The following MAP3K20 variants were observed in gnomAD, a reference collection of about 807,000 sequenced individuals.
MAP3K20 encodes the protein mitogen-activated protein kinase kinase kinase 20.
In MAP3K20, 40 loss-of-function variants were observed where a neutral mutation model predicts 85.7. The observed-to-expected ratio is 0.47, with a 90% CI of 0.36 to 0.61. MAP3K20 has a LOEUF of 0.61. MAP3K20 is among the 20% of genes least tolerant of loss of function. The pLI, the probability that MAP3K20 is intolerant of heterozygous loss-of-function variation, is 0.00. For missense variants in MAP3K20, 817 were observed against 961.7 expected, an observed-to-expected ratio of 0.85 and a Z score of 1.99; for synonymous variants, 325 against 327.7, an observed-to-expected ratio of 0.99 and a Z score of 0.09.
chr2:173,208,789 C>G (rs1410199852), intron 9 of MAP3K20, among the ~76,000 whole-genome samples: 1 of 152,196 alleles, frequency 6.6e-6, no homozygotes, highest in East Asian at 1.9e-4. Flanking sequence ...GTTTTAATTG[C>G]TGCAACTATA....
intron 2 of MAP3K20, among the ~76,000 whole-genome samples, chr2:173,144,462 C>CAAAAAAAAAAAAA (rs71018537): frequency 1.4e-4 from 13 of 92,870 alleles, no homozygotes; most frequent in East Asian, 3.6e-4. Flanking sequence ...GACTCCGTCT[C>CAAAAAAAAAAAAA]AAAAAAAAAA....
chr2:173,115,653 G>T (rs1200393879), intron 2 of MAP3K20, among the ~76,000 whole-genome samples: 3 of 152,106 alleles, frequency 2.0e-5, no homozygotes, highest in Admixed American at 1.3e-4. Flanking sequence ...GTGGCTTCCT[G>T]TGAGCCAAAC....
chr2:173,110,228 TATATATATATATA>T (rs1200494277), intron 2 of MAP3K20, among the ~76,000 whole-genome samples: 204 of 11,156 alleles, frequency 0.018, no homozygotes, highest in Non-Finnish European at 0.022. Flanking sequence ...TATATATATA[TATATATATATATA>T]TTTTTTTTTT....
chr2:173,121,722 C>A (rs1414620711), intron 2 of MAP3K20, among the ~76,000 whole-genome samples: 4 of 152,090 alleles, frequency 2.6e-5, no homozygotes, highest in Non-Finnish European at 5.9e-5. Context: ...CGTGTCTATT[C>A]CATTCAGCAT....
intron 11 of MAP3K20, among the ~76,000 whole-genome samples, chr2:173,219,356 G>T (rs1255102551): frequency 6.6e-6 from 1 of 151,972 alleles, no homozygotes; most frequent in Non-Finnish European, 1.5e-5. Flanking sequence ...GGATATTTGG[G>T]GAGATTAATC....
At chr2:173,225,081 T>C in intron 11 of MAP3K20, 1 of 985,184 alleles carries the variant, frequency 1.0e-6, no homozygotes, top group Non-Finnish European at 1.2e-6. Context: ...TGTCTCACCT[T>C]TCATCTTTTT....
In MAP3K20 at chr2:173,169,538, T is replaced by C. The variant is rs148734755; in HGVS notation, c.160-267T>C. On this transcript the variant is annotated intron_variant, in intron 2 of 19. Transcript: ENST00000375213. ...GAGTTCGAGATCAGCCTGGACAACA[T>C]AGACCCCATCTCTTAAAAAAAAAAA... 9.9e-5 allele frequency among the ~76,000 whole-genome samples: 15 copies of C among 151,352 alleles called. No individual in the cohort carries two copies. The East Asian group carries it at 2.5e-3, about 26-fold the overall frequency.
intron 2 of MAP3K20, among the ~76,000 whole-genome samples, chr2:173,115,863 G>A (rs1459112007): frequency 6.6e-6 from 1 of 152,068 alleles, no homozygotes; most frequent in Non-Finnish European, 1.5e-5. Context: ...TTTGGTCCGT[G>A]CTTTGCTTCT....
chr2:173,113,303 G>T (rs891346575), intron 2 of MAP3K20, among the ~76,000 whole-genome samples: 3 of 151,944 alleles, frequency 2.0e-5, no homozygotes, highest in Non-Finnish European at 4.4e-5. Context: ...GGTTAATCTT[G>T]CCAATGGTCT....
chr2:173,146,757 T>C (rs1464475204), intron 2 of MAP3K20, among the ~76,000 whole-genome samples: 1 of 152,234 alleles, frequency 6.6e-6, no homozygotes, highest in Admixed American at 6.5e-5. Context: ...ATGGTAACTC[T>C]TTAATTCTTT....
chr2:173,228,587 A>G (rs1265427299), intron 11 of MAP3K20, among the ~76,000 whole-genome samples: 2 of 152,198 alleles, frequency 1.3e-5, no homozygotes, highest in Admixed American at 6.5e-5. Flanking sequence ...ACCGTATGCC[A>G]GGCACTATGT....
chr2:173,099,448 T>A (rs981233530), intron 2 of MAP3K20, among the ~76,000 whole-genome samples: 5 of 152,080 alleles, frequency 3.3e-5, no homozygotes, highest in Non-Finnish European at 4.4e-5. Flanking sequence ...GTCTCCCAAG[T>A]GGCTGAGATT....
At chr2:173,227,866 C>T (rs542399363) in intron 11 of MAP3K20, among the ~76,000 whole-genome samples, 36 of 152,252 alleles carry the variant, frequency 2.4e-4, no homozygotes, top group African/African-American at 7.0e-4. Context: ...AAAAAAGTTT[C>T]GTATTTCACA....
intron 3 of MAP3K20, among the ~76,000 whole-genome samples, chr2:173,178,812 T>C (rs560271164): frequency 6.6e-6 from 1 of 152,304 alleles, no homozygotes; most frequent in East Asian, 1.9e-4. Flanking sequence ...ACAAGCAGTA[T>C]TATTCTGATA....
intron 3 of MAP3K20, among the ~76,000 whole-genome samples, chr2:173,179,704 GCA>G (rs71018541): frequency 0.079 from 11,492 of 146,018 alleles, 551 homozygotes; most frequent in African/African-American, 0.14. Context: ...TAAGGAATGC[GCA>G]CACACACACA....
chr2:173,131,487 C>G lies in MAP3K20; in HGVS notation c.160-38318C>G, dbSNP rs576440677. ...GGAACCATGAAACCAGTCATATATA[C>G]AAGTAGTTGTTTTTGAAATTGTCAA... On this transcript the variant is annotated intron_variant, in intron 2 of 19. Coordinates refer to ENST00000375213, the MANE Select transcript of MAP3K20 (RefSeq NM_016653.3). 4.6e-5 allele frequency among the ~76,000 whole-genome samples: 7 copies of G among 152,214 alleles called. No homozygotes were observed. The South Asian group carries it at 1.5e-3, about 32-fold the overall frequency.
intron 2 of MAP3K20, among the ~76,000 whole-genome samples, chr2:173,130,371 C>A (rs921139743): frequency 3.3e-5 from 5 of 151,986 alleles, no homozygotes; most frequent in Non-Finnish European, 7.4e-5. Flanking sequence ...TGAAGAACTG[C>A]CCTGAGATAA....
chr2:173,198,334 G>A lies in MAP3K20; in HGVS notation c.669+222G>A. ...GTCGTGATGCTGTAGATCAAAAATT[G>A]TACAAGTACTGTACTAGTTTCTCAG... is the stretch of plus-strand genomic sequence containing the variant. On this transcript the variant is annotated intron_variant, in intron 8 of 19. Transcript: ENST00000375213. The surrounding 1 kb of genome is among the most constrained non-coding windows in gnomAD (Gnocchi z 5.8). 1 of 355,922 alleles carries A rather than the reference G, an allele frequency of 2.8e-6. No homozygotes were observed. 22.0% of individuals were successfully genotyped at this position (355,922 alleles called of 1,614,324 possible). A position where few individuals can be genotyped will look rare whatever the true frequency, so the allele number is the denominator to read the frequency against.
At chr2:173,242,168 G>GA (rs1313647700) in intron 16 of MAP3K20, among the ~76,000 whole-genome samples, 57 of 146,396 alleles carry the variant, frequency 3.9e-4, no homozygotes, top group Non-Finnish European at 6.7e-4. Flanking sequence ...TCTCAACCAA[G>GA]AAAAAAAAAT....
Sources: allele counts gnomAD v4.1 joint callset (sites outside exome capture counted in the v4.1 genomes callset), GRCh38; gene constraint gnomAD v4.1.1; non-coding constraint Gnocchi (gnomAD v3.1); transcripts MANE v1.5; gene names NCBI Gene and HGNC (gene_info 2026-07-23, HGNC 2026-07-21).